ATIC: variants seen among roughly 807,000 people sequenced by gnomAD.
The protein encoded by ATIC is 5-aminoimidazole-4-carboxamide ribonucleotide formyltransferase/IMP cyclohydrolase.
In ATIC, 64 loss-of-function variants were observed where a neutral mutation model predicts 72.5. The ratio of observed to expected loss-of-function variants is 0.88; its 90% CI spans 0.72 to 1.09. The LOEUF is 1.09. Ranked by LOEUF, ATIC falls within the 50% of genes least tolerant of loss-of-function variation. The probability of loss-of-function intolerance (pLI) is 0.00; values close to 1 mark genes in which losing one functional copy is unlikely to be tolerated. For synonymous variants in ATIC, 281 were observed against 267.1 expected (o/e 1.05, Z -0.51); for missense variants, 787 against 732.4 (o/e 1.07, Z -0.86).
intron 2 of ATIC, among the ~76,000 whole-genome samples, chr2:215,317,479 TCATGTG>T (rs1559266217): frequency 1.3e-5 from 2 of 152,146 alleles, no homozygotes; most frequent in African/African-American, 4.8e-5. Flanking sequence ...TATGCCATCT[TCATGTG>T]TTGTTGTTGT....
At chr2:215,355,667 A>G in the ATIC span, among the ~76,000 whole-genome samples, 1 of 152,246 alleles carries the variant, frequency 6.6e-6, no homozygotes, top group Admixed American at 6.5e-5. Context: ...TTTAAAAGAA[A>G]TTGTAATGAA....
intron 9 of ATIC, among the ~76,000 whole-genome samples, chr2:215,333,867 C>G (rs1452724589): frequency 1.3e-5 from 2 of 151,694 alleles, no homozygotes; most frequent in Non-Finnish European, 1.5e-5. Context: ...ACGGTGAAAC[C>G]CCGTCTCTAC....
intron 4 of ATIC, among the ~76,000 whole-genome samples, chr2:215,320,054 C>T (rs1344580148): frequency 6.6e-6 from 1 of 152,066 alleles, no homozygotes; most frequent in African/African-American, 2.4e-5. Flanking sequence ...GTTGAGCGTC[C>T]CTCAGAAATC....
chr2:215,341,122 A>G (rs1180769903), intron 12 of ATIC, among the ~76,000 whole-genome samples: 1 of 152,228 alleles, frequency 6.6e-6, no homozygotes, highest in East Asian at 1.9e-4. Flanking sequence ...TGATAAGCAT[A>G]CGACGATTAA....
chr2:215,312,133 G>C lies in ATIC; in HGVS notation c.-10G>C. 6.5e-7 allele frequency: 1 copy of C among 1,527,794 alleles called. No homozygotes were observed. The highest frequency in any genetic ancestry group is 8.7e-7 in the Non-Finnish European group (1 of 1,143,974). The allele number at this position is 1,527,794 out of a possible 1,614,324, so 94.6% of individuals were successfully genotyped here. On this transcript the variant is annotated 5_prime_UTR_variant, in exon 1 of 16. Transcript: ENST00000236959. ...GCCTCCCGCTCGCCCTGAACCCAGT[G>C]CCTGCAGCCATGGCTCCCGGCCAGC...
intron 5 of ATIC, 99 bp downstream of exon 5, chr2:215,325,428 A>C: frequency 1.2e-6 from 1 of 862,736 alleles, no homozygotes; most frequent in Non-Finnish European, 1.9e-6. Flanking sequence ...AATAGAAAGA[A>C]AATAGCTACT....
At chr2:215,327,020 A>G (rs1373125364) in intron 7 of ATIC, 42 bp downstream of exon 7, 1 of 1,613,164 alleles carries the variant, frequency 6.2e-7, no homozygotes, top group African/African-American at 1.3e-5. Flanking sequence ...CTGTGCCTGG[A>G]GAGTGTGTGT....
chr2:215,347,132 GT>G (rs1575126435), intron 14 of ATIC, 191 bp downstream of exon 14: 1 of 775,022 alleles, frequency 1.3e-6, no homozygotes. Flanking sequence ...TTTCTTCATT[GT>G]TTTTGACCCC....
intron 12 of ATIC, 47 bp downstream of exon 12, chr2:215,338,954 C>T: frequency 6.2e-7 from 1 of 1,607,376 alleles, no homozygotes; most frequent in South Asian, 1.1e-5. Flanking sequence ...TTCCATTGGT[C>T]TGTTTTCAAT....
intron 9 of ATIC, among the ~76,000 whole-genome samples, chr2:215,333,969 C>A (rs1299850246): frequency 6.6e-6 from 1 of 150,686 alleles, no homozygotes; most frequent in East Asian, 2.0e-4. Flanking sequence ...GTGAACCCGG[C>A]AGGTGGAACT....
intron 4 of ATIC, among the ~76,000 whole-genome samples, chr2:215,322,926 TTTTG>T (rs1469923455): frequency 1.4e-4 from 22 of 152,064 alleles, no homozygotes; most frequent in African/African-American, 3.1e-4. Flanking sequence ...TTTTTCTGTT[TTTTG>T]TTTGTTTGTT....
chr2:215,331,713 A>G (rs1255405015), intron 7 of ATIC, among the ~76,000 whole-genome samples: 3 of 151,560 alleles, frequency 2.0e-5, no homozygotes, highest in Admixed American at 6.6e-5. Context: ...CTGGCCCACC[A>G]TTTCTTTCTG....
intron 7 of ATIC, among the ~76,000 whole-genome samples, chr2:215,328,848 G>C (rs113265745): frequency 0.032 from 4,884 of 151,936 alleles, 245 homozygotes; most frequent in African/African-American, 0.11. Context: ...CTCTCAAGTA[G>C]CTGGGACTAC....
chr2:215,319,127 A>G (rs1453076599), intron 3 of ATIC, among the ~76,000 whole-genome samples: 3 of 152,044 alleles, frequency 2.0e-5, no homozygotes, highest in African/African-American at 7.2e-5. Context: ...GCGATCCCCC[A>G]CCTTAGCCTC....
chr2:215,332,572 G>T, intron 8 of ATIC, 65 bp downstream of exon 8: 2 of 1,587,320 alleles, frequency 1.3e-6, no homozygotes, highest in Non-Finnish European at 1.7e-6. Flanking sequence ...AAATTTTTTT[G>T]AATATTAACA....
chr2:215,339,509 C>T (rs1050114579), intron 12 of ATIC, among the ~76,000 whole-genome samples: 7 of 152,286 alleles, frequency 4.6e-5, no homozygotes, highest in Admixed American at 3.3e-4. Context: ...GAACAAGATC[C>T]TATCTCGAAA....
downstream of ATIC, among the ~76,000 whole-genome samples, chr2:215,351,064 C>A (rs1365570634): frequency 6.6e-6 from 1 of 152,190 alleles, no homozygotes; most frequent in African/African-American, 2.4e-5. Flanking sequence ...GAGGCTAGGT[C>A]CTAATACATT....
At chr2:215,336,578 T>C (rs562266456) in intron 11 of ATIC, among the ~76,000 whole-genome samples, 1 of 152,386 alleles carries the variant, frequency 6.6e-6, no homozygotes, top group South Asian at 2.1e-4. Flanking sequence ...TTCTTGCTTA[T>C]CTTTCCTGAA....
At chr2:215,325,650 C>T (rs578200795) in intron 5 of ATIC, among the ~76,000 whole-genome samples, 2 of 152,174 alleles carry the variant, frequency 1.3e-5, no homozygotes, top group South Asian at 2.1e-4. Context: ...GCAACCTCTG[C>T]CTCCTGGGCT....
Sources: gnomAD v4.1 joint callset for allele counts (sites outside exome capture counted in the v4.1 genomes callset) on GRCh38, gnomAD v4.1.1 for gene constraint, MANE v1.5 for transcripts, NCBI Gene and HGNC (gene_info 2026-07-23, HGNC 2026-07-21) for gene names.